RAB22A: variants seen among roughly 807,000 people sequenced by gnomAD.
RAB22A encodes the protein ras-related protein Rab-22A.
Under a neutral mutation model 30.2 loss-of-function variants are expected in RAB22A, and 13 were observed. The observed-to-expected ratio is 0.43, with a 90% CI of 0.28 to 0.68. RAB22A has a LOEUF of 0.68. Ranked by LOEUF, RAB22A falls within the 30% of genes least tolerant of loss-of-function variation. The pLI, the probability that RAB22A is intolerant of heterozygous loss-of-function variation, is 0.18. For missense variants in RAB22A, 177 were observed against 246.8 expected (o/e 0.72, Z 1.89); for synonymous variants, 89 against 87.2 (o/e 1.02, Z -0.11).
intron 1 of RAB22A, 44 bp downstream of exon 1, chr20:58,310,056 G>C: frequency 1.6e-6 from 2 of 1,257,732 alleles, no homozygotes; most frequent in Non-Finnish European, 2.0e-6. Context: ...GGGAGGCTGG[G>C]CTGGCGGGGA....
intron 2 of RAB22A, among the ~76,000 whole-genome samples, chr20:58,323,689 T>G (rs1986502850): frequency 1.3e-5 from 2 of 151,420 alleles, no homozygotes; most frequent in Admixed American, 1.3e-4. Context: ...GGGATAGATT[T>G]GAACACCTGG....
chr20:58,363,742 A>G lies in RAB22A; in HGVS notation c.*4039A>G, dbSNP rs1317759098. Reference sequence around the variant, plus strand: ...TCAGGGGTCAAGCTGTTAACTGTATACCTGCCTCTAGTTAGCTTGGTTTAT... The same window carrying G: ...TCAGGGGTCAAGCTGTTAACTGTATGCCTGCCTCTAGTTAGCTTGGTTTAT... On this transcript the variant is annotated 3_prime_UTR_variant, in exon 7 of 7. Transcript: ENST00000244040. 1.3e-5 allele frequency: 2 copies of G among 152,228 alleles called. No homozygotes were observed. Among genetic ancestry groups the G allele is most frequent in the African/African-American group, 4.8e-5 (2 of 41,462 alleles). 9.4% of individuals were successfully genotyped at this position (152,228 alleles called of 1,614,324 possible).
chr20:58,317,470 T>C (rs940669230), intron 2 of RAB22A, among the ~76,000 whole-genome samples: 1 of 152,108 alleles, frequency 6.6e-6, no homozygotes, highest in Non-Finnish European at 1.5e-5. Context: ...AGCTCCATAT[T>C]GTTAGGAGAA....
At chr20:58,354,636 A>G (rs1987104188) in intron 6 of RAB22A, among the ~76,000 whole-genome samples, 1 of 152,210 alleles carries the variant, frequency 6.6e-6, no homozygotes, top group Non-Finnish European at 1.5e-5. Flanking sequence ...GAAAACCCTC[A>G]AAAATAATAC....
intron 3 of RAB22A, among the ~76,000 whole-genome samples, chr20:58,352,219 C>T (rs755455074): frequency 1.1e-4 from 16 of 151,948 alleles, no homozygotes; most frequent in East Asian, 7.7e-4. Flanking sequence ...CAAATTAATA[C>T]GAAATTTTAA....
At position 58,366,220 on chromosome 20, in the gene RAB22A, C is replaced by T. The variant is rs145926989; in HGVS notation, c.*6517C>T. 1,125 of 152,270 alleles carry T rather than the reference C, an allele frequency of 7.4e-3. 6 individuals carry two copies. The highest frequency in any genetic ancestry group is 0.035 in the South Asian group (171 of 4,824). The allele number at this position is 152,270 out of a possible 1,614,324, so 9.4% of individuals were successfully genotyped here. ...CACATGGCCACAGACACCTCCTTCG[C>T]ATATGTAATCTGCCTTCCCCTGCGG... is the stretch of plus-strand genomic sequence containing the variant. On this transcript the variant is annotated 3_prime_UTR_variant, in exon 7 of 7. Coordinates refer to ENST00000244040, the MANE Select transcript of RAB22A (RefSeq NM_020673.3).
chr20:58,309,753 GGCTCCC>G lies in RAB22A; in HGVS notation c.-222_-217del, dbSNP rs1986179891. On this transcript the variant is annotated 5_prime_UTR_variant, in exon 1 of 7. Transcript: ENST00000244040. ...GGCGTCCCAAGATGGCGGCGGCGGC[GGCTCCC>G]GGAAGGCCGCGGCGGCGTCCCGGCT... is the stretch of plus-strand genomic sequence containing the variant. 1 of 278,588 alleles carries G rather than the reference GGCTCCC, an allele frequency of 3.6e-6. No homozygotes were observed. Among genetic ancestry groups the G allele is most frequent in the Non-Finnish European group, 6.6e-6 (1 of 152,652 alleles). 17.3% of individuals were successfully genotyped at this position (278,588 alleles called of 1,614,324 possible).
At chr20:58,321,189 CAA>C (rs776776631) in intron 2 of RAB22A, among the ~76,000 whole-genome samples, 304 of 116,990 alleles carry the variant, frequency 2.6e-3, no homozygotes, top group African/African-American at 8.1e-3. Context: ...GACTCCATCT[CAA>C]AAAAAAAAAA....
At chr20:58,336,417 A>G (rs936089043) in intron 2 of RAB22A, among the ~76,000 whole-genome samples, 11 of 151,974 alleles carry the variant, frequency 7.2e-5, no homozygotes, top group South Asian at 4.1e-4. Flanking sequence ...CTGTTCCCCA[A>G]TTTTTGCCTA....
chr20:58,350,723 C>G (rs1432955524), intron 3 of RAB22A, among the ~76,000 whole-genome samples: 2 of 152,054 alleles, frequency 1.3e-5, no homozygotes, highest in Non-Finnish European at 1.5e-5. Context: ...TTTAGAAAAA[C>G]AAAAACAGAA....
intron 2 of RAB22A, among the ~76,000 whole-genome samples, chr20:58,324,721 G>A (rs1374849984): frequency 6.6e-6 from 1 of 151,376 alleles, no homozygotes; most frequent in Admixed American, 6.6e-5. Context: ...ACAAAAATTA[G>A]CTGGGCATGG....
intron 6 of RAB22A, among the ~76,000 whole-genome samples, chr20:58,359,147 A>G (rs1279743749): frequency 6.6e-6 from 1 of 152,178 alleles, no homozygotes; most frequent in African/African-American, 2.4e-5. Flanking sequence ...CAGAGGGACA[A>G]CCATGTTCTG....
intron 2 of RAB22A, among the ~76,000 whole-genome samples, chr20:58,334,111 A>T (rs1266344244): frequency 6.6e-6 from 1 of 152,054 alleles, no homozygotes; most frequent in Non-Finnish European, 1.5e-5. Flanking sequence ...CAGGTGGATC[A>T]CCTGAGGTCA....
rs8123176 is a variant in RAB22A at position 58,353,422 on chromosome 20, T to G, written c.271-10T>G. The G allele has an allele frequency of 1.2e-3, 2,011 of 1,610,900 alleles. 27 individuals are homozygous for G. The African/African-American group carries it at 0.023, about 19-fold the overall frequency. ...AGATCTCCAGTTGCTCTCTTTTTTG[T>G]GTGTTACAGGAGACATTTTCAACAT... On this transcript the variant is annotated splice_polypyrimidine_tract_variant and intron_variant, in intron 4 of 6. Coordinates refer to ENST00000244040, the MANE Select transcript of RAB22A (RefSeq NM_020673.3).
intron 2 of RAB22A, among the ~76,000 whole-genome samples, chr20:58,321,836 C>T (rs2122931654): frequency 6.6e-6 from 1 of 152,160 alleles, no homozygotes; most frequent in East Asian, 1.9e-4. Flanking sequence ...GGTCTTGCTC[C>T]ATCTGTCAGG....
At chr20:58,336,869 A>T (rs1254301804) in intron 2 of RAB22A, among the ~76,000 whole-genome samples, 1 of 152,064 alleles carries the variant, frequency 6.6e-6, no homozygotes, top group African/African-American at 2.4e-5. Flanking sequence ...GTGGTCACCT[A>T]ACTGCACTCT....
rs1208903493 is a variant in RAB22A at position 58,367,051 on chromosome 20, C to G, written c.*7348C>G. ...AAGCATCTATTACGAAAGTAAAATTCAGTTGCTTACAGTTTTGGCCGCTTT... is the reference window on the plus strand; with the variant it reads ...AAGCATCTATTACGAAAGTAAAATTGAGTTGCTTACAGTTTTGGCCGCTTT... On this transcript the variant is annotated 3_prime_UTR_variant, in exon 7 of 7. Transcript: ENST00000244040. 1 of 152,718 alleles carries G rather than the reference C, an allele frequency of 6.5e-6. No individual in the cohort carries two copies. The highest frequency in any genetic ancestry group is 1.9e-4 in the East Asian group (1 of 5,182). 9.5% of individuals were successfully genotyped at this position (152,718 alleles called of 1,614,324 possible).
intron 6 of RAB22A, among the ~76,000 whole-genome samples, chr20:58,358,960 G>GTCA (rs886664281): frequency 1.3e-5 from 2 of 151,972 alleles, no homozygotes; most frequent in Admixed American, 6.6e-5. Flanking sequence ...TCCCCAGGAT[G>GTCA]TGTTGAGTGA....
At chr20:58,320,358 CTGTT>C (rs1986428758) in intron 2 of RAB22A, among the ~76,000 whole-genome samples, 2 of 152,080 alleles carry the variant, frequency 1.3e-5, no homozygotes, top group South Asian at 4.1e-4. Context: ...CATCGTATCT[CTGTT>C]TTTTTTAATT....
Sources: allele counts gnomAD v4.1 joint callset (sites outside exome capture counted in the v4.1 genomes callset), GRCh38; gene constraint gnomAD v4.1.1; transcripts MANE v1.5; gene names NCBI Gene and HGNC (gene_info 2026-07-23, HGNC 2026-07-21).